The following NRG3 variants were observed in gnomAD, a reference collection of about 807,000 sequenced individuals.
The protein encoded by NRG3 is pro-neuregulin-3, membrane-bound isoform.
In NRG3, 31 loss-of-function variants were observed where a neutral mutation model predicts 66.9. The observed-to-expected ratio is 0.46, with a 90% CI of 0.35 to 0.63. The LOEUF is 0.63. Ranked by LOEUF, NRG3 falls within the 20% of genes least tolerant of loss-of-function variation. The pLI is 0.00. For missense variants in NRG3, 910 were observed against 878.9 expected (o/e 1.04, Z -0.45); for synonymous variants, 393 against 359.4 (o/e 1.09, Z -1.06).
At chr10:82,226,373 G>C (rs2076164710) in intron 1 of NRG3, among the ~76,000 whole-genome samples, 1 of 152,132 alleles carries the variant, frequency 6.6e-6, no homozygotes, top group Non-Finnish European at 1.5e-5. Context: ...AGCAGGTATA[G>C]CTAAGCCAAC....
At chr10:82,216,455 T>C (rs534529564) in intron 1 of NRG3, among the ~76,000 whole-genome samples, 1 of 135,362 alleles carries the variant, frequency 7.4e-6, no homozygotes, top group Admixed American at 7.5e-5. Flanking sequence ...ATACATTTTA[T>C]ATATATGTGT....
At chr10:82,956,570 A>G (rs1421249165) in intron 5 of NRG3, among the ~76,000 whole-genome samples, 2 of 151,960 alleles carry the variant, frequency 1.3e-5, no homozygotes, top group Admixed American at 6.5e-5. Context: ...GCAGTCCGGT[A>G]TTGGATATTG....
intron 3 of NRG3, among the ~76,000 whole-genome samples, chr10:82,815,204 CAG>C (rs1159112947): frequency 6.6e-6 from 1 of 152,160 alleles, no homozygotes; most frequent in Non-Finnish European, 1.5e-5. Context: ...GTGCCTTCTC[CAG>C]AGTTTCCATA....
At chr10:82,219,955 AAAT>A (rs1281753421) in intron 1 of NRG3, among the ~76,000 whole-genome samples, 5 of 152,222 alleles carry the variant, frequency 3.3e-5, no homozygotes, top group African/African-American at 9.6e-5. Flanking sequence ...TTACGAGAGT[AAAT>A]AATAAGTAAA....
At chr10:82,469,036 G>A (rs765637524) in intron 2 of NRG3, among the ~76,000 whole-genome samples, 4 of 152,154 alleles carry the variant, frequency 2.6e-5, no homozygotes, top group Admixed American at 2.0e-4. Flanking sequence ...TAGCTTCTTT[G>A]TGAAATGAAT....
At chr10:82,017,309 C>A (rs940394825) in intron 1 of NRG3, among the ~76,000 whole-genome samples, 3 of 152,132 alleles carry the variant, frequency 2.0e-5, no homozygotes, top group East Asian at 3.9e-4. Context: ...GTATATGTGC[C>A]ACATTTTCTT....
chr10:82,591,595 G>A (rs1590795449), intron 2 of NRG3, among the ~76,000 whole-genome samples: 1 of 152,128 alleles, frequency 6.6e-6, no homozygotes, highest in South Asian at 2.1e-4. Flanking sequence ...TTCTTTGACT[G>A]TATTATCTCT....
At chr10:82,721,818 C>T (rs1203866608) in intron 2 of NRG3, among the ~76,000 whole-genome samples, 5 of 152,150 alleles carry the variant, frequency 3.3e-5, no homozygotes, top group African/African-American at 4.8e-5. Flanking sequence ...TATCCTTACA[C>T]ATGTGTTTGT....
chr10:82,542,756 C>A (rs1305740547), intron 2 of NRG3, among the ~76,000 whole-genome samples: 1 of 152,144 alleles, frequency 6.6e-6, no homozygotes, highest in African/African-American at 2.4e-5. Flanking sequence ...ATTAGACAAA[C>A]CCAAATTGAG....
At chr10:82,978,506 AT>A (rs1403237910) in intron 7 of NRG3, among the ~76,000 whole-genome samples, 1 of 152,190 alleles carries the variant, frequency 6.6e-6, no homozygotes, top group Non-Finnish European at 1.5e-5. Flanking sequence ...TAATAAGTGA[AT>A]TTTTTCCCCA....
intron 1 of NRG3, among the ~76,000 whole-genome samples, chr10:82,057,515 G>GGGGTAATTTTTAGGCTACATTTAA (rs2063907451): frequency 6.6e-6 from 1 of 151,968 alleles, no homozygotes; most frequent in Non-Finnish European, 1.5e-5. Context: ...TGAAATTGTT[G>GGGGTAATTTTTAGGCTACATTTAA]GGGTAATTTT....
intron 1 of NRG3, among the ~76,000 whole-genome samples, chr10:82,120,574 G>A (rs1160064609): frequency 6.6e-6 from 1 of 152,006 alleles, no homozygotes; most frequent in Non-Finnish European, 1.5e-5. Flanking sequence ...AGTCAAGTTA[G>A]ATATTAAATT....
chr10:82,870,010 A>G (rs111678514), intron 4 of NRG3, among the ~76,000 whole-genome samples: 5,946 of 147,958 alleles, frequency 0.04, 127 homozygotes, highest in Middle Eastern at 0.099. Context: ...TAATTTTCTC[A>G]TGTGTTTTCA....
intron 4 of NRG3, among the ~76,000 whole-genome samples, chr10:82,888,267 C>G (rs1357294255): frequency 6.6e-6 from 1 of 152,166 alleles, no homozygotes. Flanking sequence ...TTTGTACACA[C>G]ACACTCACAT....
At chr10:82,636,947 C>T (rs769829890) in intron 2 of NRG3, among the ~76,000 whole-genome samples, 35 of 151,664 alleles carry the variant, frequency 2.3e-4, no homozygotes, top group Non-Finnish European at 4.0e-4. Flanking sequence ...TCAAAAGATA[C>T]TAAGTAGCAG....
At chr10:82,623,942 G>C (rs1161155515) in intron 2 of NRG3, among the ~76,000 whole-genome samples, 1 of 152,086 alleles carries the variant, frequency 6.6e-6, no homozygotes, top group Non-Finnish European at 1.5e-5. Flanking sequence ...CCTGTTGCCA[G>C]ATCAACACTT....
At chr10:82,455,347 T>G (rs995535882) in intron 2 of NRG3, among the ~76,000 whole-genome samples, 1 of 152,174 alleles carries the variant, frequency 6.6e-6, no homozygotes, top group Non-Finnish European at 1.5e-5. Flanking sequence ...TAGGACACAA[T>G]CTTGTTACTG....
At chr10:82,231,364 T>TA (rs1163235693) in intron 1 of NRG3, among the ~76,000 whole-genome samples, 2 of 149,666 alleles carry the variant, frequency 1.3e-5, no homozygotes, top group Non-Finnish European at 3.0e-5. Context: ...AAATAAGAAA[T>TA]AAAAAAATAT....
intron 2 of NRG3, among the ~76,000 whole-genome samples, chr10:82,674,295 C>T (rs1012296184): frequency 6.6e-6 from 1 of 152,178 alleles, no homozygotes; most frequent in African/African-American, 2.4e-5. Context: ...CATGTTACTA[C>T]ATAAACTTTC....
Sources: allele counts gnomAD v4.1 joint callset (sites outside exome capture counted in the v4.1 genomes callset), GRCh38; gene constraint gnomAD v4.1.1; transcripts MANE v1.5; gene names NCBI Gene and HGNC (gene_info 2026-07-23, HGNC 2026-07-21).